The following RIN3 variants were observed in gnomAD, a reference collection of about 807,000 sequenced individuals.
RIN3 encodes the protein Ras and Rab interactor 3, also known as RAB5 interacting protein 3.
Under a neutral mutation model 76.3 loss-of-function variants are expected in RIN3, and 54 were observed. That is an observed-to-expected ratio of 0.71 (90% CI 0.57 to 0.89). The LOEUF (loss-of-function observed/expected upper bound fraction) is 0.89. Among genes scored for constraint, RIN3 ranks in the 40% least tolerant of loss-of-function variants. RIN3 has a pLI of 0.00. For synonymous variants in RIN3, 576 were observed against 564.0 expected, an observed-to-expected ratio of 1.02 and a Z score of -0.30; for missense variants, 1,256 against 1,322.1, an observed-to-expected ratio of 0.95 and a Z score of 0.78.
intron 1 of RIN3, among the ~76,000 whole-genome samples, chr14:92,547,794 C>T (rs1473161154): frequency 6.6e-6 from 1 of 152,148 alleles, no homozygotes; most frequent in Non-Finnish European, 1.5e-5. Flanking sequence ...ACCTCTGCAT[C>T]CCTGGTTCAA....
At chr14:92,579,014 G>A (rs1210309645) in intron 3 of RIN3, among the ~76,000 whole-genome samples, 1 of 151,496 alleles carries the variant, frequency 6.6e-6, no homozygotes, top group Non-Finnish European at 1.5e-5. Context: ...TGCAACCTCC[G>A]CCTCCCGGGT....
chr14:92,652,373 G>A lies in RIN3; in HGVS notation c.1324G>A (p.Asp442Asn), dbSNP rs770717973. The A allele has an allele frequency of 1.9e-5, 30 of 1,609,300 alleles. No homozygotes were observed. Among genetic ancestry groups the A allele is most frequent in the East Asian group, 2.2e-5 (1 of 44,788 alleles). Reference sequence around the variant, plus strand: ...CCAGGACACAGAGGTGAAAGCCAGCGATCCTCACAGCATGCCAGAGCTGCC... The same window carrying A: ...CCAGGACACAGAGGTGAAAGCCAGCAATCCTCACAGCATGCCAGAGCTGCC... The part of the protein sequence containing the change: ...QGQDTEVKAS[D>N]PHSMPELPRT... Residue 442 changes from aspartate to asparagine, a missense_variant, in exon 6 of 10, where the codon GAT becomes AAT. Asp to Asn is a conservative substitution (Grantham distance 23). Around this residue, in one of 3 missense-constraint regions of RIN3, gnomAD observed 610 missense variants for 626.4 expected, o/e 0.97. Transcript: ENST00000216487. The surrounding 1 kb of genome is among the most constrained non-coding windows in gnomAD (Gnocchi z 6.4).
chr14:92,564,824 A>ACG lies in RIN3; in HGVS notation c.249+8879_249+8880dup, dbSNP rs567985102. Reference sequence around the variant, plus strand: ...AAAAATGGAGGAAACGCGCACACACACGCGCGCGCGCAGGAACAGCTGACT... The same window carrying ACG: ...AAAAATGGAGGAAACGCGCACACACACGCGCGCGCGCGCAGGAACAGCTGACT... On this transcript the variant is annotated intron_variant, in intron 2 of 9. Coordinates refer to ENST00000216487, the MANE Select transcript of RIN3 (RefSeq NM_024832.5). Among the ~76,000 whole-genome samples the ACG allele has an allele frequency of 5.9e-4, 90 of 152,228 alleles. No homozygotes were observed. The East Asian group carries it at 6.2e-3, about 10-fold the overall frequency.
intron 3 of RIN3, among the ~76,000 whole-genome samples, chr14:92,604,953 GAGTCT>G (rs1315972994): frequency 8.4e-6 from 1 of 119,076 alleles, no homozygotes; most frequent in African/African-American, 3.3e-5. Flanking sequence ...GAGATGGAGG[GAGTCT>G]CCCTCTGTCA....
intron 2 of RIN3, among the ~76,000 whole-genome samples, chr14:92,575,088 GGGCCAGACTAGGGA>G (rs982539459): frequency 6.6e-6 from 1 of 152,120 alleles, no homozygotes; most frequent in Non-Finnish European, 1.5e-5. Context: ...ATTTGGGTTT[GGGCCAGACTAGGGA>G]GGCCATTAAT....
chr14:92,611,276 A>C (rs559727260), intron 3 of RIN3, among the ~76,000 whole-genome samples: 3 of 139,232 alleles, frequency 2.2e-5, no homozygotes, highest in African/African-American at 7.6e-5. Flanking sequence ...TCTGTGTCCC[A>C]TGCCCTCACA....
At chr14:92,618,346 C>T (rs1886048368) in intron 4 of RIN3, among the ~76,000 whole-genome samples, 2 of 152,126 alleles carry the variant, frequency 1.3e-5, no homozygotes, top group Non-Finnish European at 2.9e-5. Context: ...AGGATGCCAT[C>T]GTCTTCTGGG....
In RIN3 at chr14:92,656,212, T is replaced by G. The variant is rs923491767; in HGVS notation, c.2027-2949T>G. 6.6e-6 allele frequency among the ~76,000 whole-genome samples: 1 copy of G among 151,474 alleles called. No homozygotes were observed. ...CAGGGATGCTAAGCCGTGGAAAGGGTAGTGGAAGGACTTTCCTTCCGGAAA... is the reference window on the plus strand; with the variant it reads ...CAGGGATGCTAAGCCGTGGAAAGGGGAGTGGAAGGACTTTCCTTCCGGAAA... On this transcript the variant is annotated intron_variant, in intron 6 of 9. Transcript: ENST00000216487. This position sits in a 1 kb window ranked among gnomAD's most constrained non-coding sequence, Gnocchi z 5.2.
chr14:92,566,650 A>G (rs1003035149), intron 2 of RIN3, among the ~76,000 whole-genome samples: 22 of 152,306 alleles, frequency 1.4e-4, no homozygotes, highest in African/African-American at 5.1e-4. Flanking sequence ...TATCATAGGC[A>G]GGGACTATTA....
At chr14:92,601,099 T>C (rs533683665) in intron 3 of RIN3, among the ~76,000 whole-genome samples, 1 of 152,318 alleles carries the variant, frequency 6.6e-6, no homozygotes, top group Non-Finnish European at 1.5e-5. Flanking sequence ...GAAAAAAATA[T>C]GAAATGTCCT....
chr14:92,584,977 A>G (rs1023275470), intron 3 of RIN3, among the ~76,000 whole-genome samples: 2 of 152,068 alleles, frequency 1.3e-5, no homozygotes, highest in African/African-American at 4.8e-5. Context: ...GCCCCTCTTC[A>G]TTTCCTGCCT....
At chr14:92,631,632 C>T (rs1886587464) in intron 4 of RIN3, among the ~76,000 whole-genome samples, 1 of 151,902 alleles carries the variant, frequency 6.6e-6, no homozygotes, top group Non-Finnish European at 1.5e-5. Flanking sequence ...GTTGGAGTCT[C>T]ACTCTGTCAC....
intron 7 of RIN3, among the ~76,000 whole-genome samples, chr14:92,667,548 G>T (rs1030792805): frequency 5.9e-5 from 9 of 152,048 alleles, no homozygotes; most frequent in African/African-American, 1.9e-4. Flanking sequence ...GATTTTTGAT[G>T]ATCAAAGTCG....
rs779899071 is a variant in RIN3, at chr14:92,576,329, G to A, written c.250-1031G>A. 6.4e-5 allele frequency: 82 copies of A among 1,289,738 alleles called. 1 individual carries two copies. In the African/African-American group the frequency reaches 7.0e-4, roughly 11 times the overall value. The allele number at this position is 1,289,738 out of a possible 1,614,324, so 79.9% of individuals were successfully genotyped here. A position where few individuals can be genotyped will look rare whatever the true frequency, so the allele number is the denominator to read the frequency against. ...CTGGAGCAGAACCATTGCTTAGAGCGTGAGAAGGAGAAGCGAGTGTCCGTC... is the reference window on the plus strand; with the variant it reads ...CTGGAGCAGAACCATTGCTTAGAGCATGAGAAGGAGAAGCGAGTGTCCGTC... On this transcript the variant is annotated intron_variant, in intron 2 of 9. Coordinates refer to ENST00000216487, the MANE Select transcript of RIN3 (RefSeq NM_024832.5).
At chr14:92,588,149 C>T (rs967165623) in intron 3 of RIN3, among the ~76,000 whole-genome samples, 1 of 151,046 alleles carries the variant, frequency 6.6e-6, no homozygotes, top group African/African-American at 2.4e-5. Context: ...CTCCTCATAC[C>T]ATCATGTTGG....
intron 5 of RIN3, chr14:92,644,347 T>C (rs1887120055): frequency 6.6e-6 from 1 of 151,728 alleles, no homozygotes; most frequent in Non-Finnish European, 1.5e-5. Context: ...GCCGGGAGAC[T>C]CCCTACAGAT....
At chr14:92,566,188 G>A (rs936578028) in intron 2 of RIN3, among the ~76,000 whole-genome samples, 1 of 152,100 alleles carries the variant, frequency 6.6e-6, no homozygotes, top group African/African-American at 2.4e-5. Context: ...TGGGGTCCAG[G>A]GCTAGTTTAG....
chr14:92,570,944 C>T (rs577590827), intron 2 of RIN3, among the ~76,000 whole-genome samples: 64 of 152,340 alleles, frequency 4.2e-4, no homozygotes, highest in Non-Finnish European at 6.3e-4. Context: ...TTTAGCCTAA[C>T]GCTGCCTCTT....
chr14:92,688,282 C>T lies in RIN3; in HGVS notation c.*30C>T, dbSNP rs766571178. ...CTCCCGGGGCGCCTCCCCTCACCCC[C>T]AGGCGCACGTCTGGCCCCGCCTCTG... On this transcript the variant is annotated 3_prime_UTR_variant, in exon 10 of 10. Coordinates refer to ENST00000216487, the MANE Select transcript of RIN3 (RefSeq NM_024832.5). The T allele has an allele frequency of 2.4e-5, 36 of 1,507,966 alleles. No individual in the cohort carries two copies. Among genetic ancestry groups the T allele is most frequent in the Non-Finnish European group, 3.2e-5 (36 of 1,128,054 alleles). The allele number at this position is 1,507,966 out of a possible 1,614,324, so 93.4% of individuals were successfully genotyped here. A position where few individuals can be genotyped will look rare whatever the true frequency, so the allele number is the denominator to read the frequency against.
Sources: gnomAD v4.1 joint callset for allele counts (sites outside exome capture counted in the v4.1 genomes callset) on GRCh38, gnomAD v4.1.1 for gene constraint, gnomAD v4.1.1 regional missense constraint, Gnocchi (gnomAD v3.1) non-coding constraint, MANE v1.5 for transcripts, NCBI Gene and HGNC (gene_info 2026-07-23, HGNC 2026-07-21) for gene names.